FIRRM: variants seen among roughly 807,000 people sequenced by gnomAD.
FIRRM encodes FIGNL1-interacting regulator of recombination and mitosis.
At chr1:169,819,890 C>G in the FIRRM span, among the ~76,000 whole-genome samples, 1 of 152,176 alleles carries the variant, frequency 6.6e-6, no homozygotes, top group African/African-American at 2.4e-5. Flanking sequence ...TGAACCCGGG[C>G]CGCCAGCCAT....
the FIRRM span, chr1:169,805,975 C>G: frequency 3.5e-6 from 5 of 1,414,950 alleles, no homozygotes; most frequent in South Asian, 6.1e-5. Context: ...ATTTGGATGT[C>G]TTAAAAGTTC....
the FIRRM span, among the ~76,000 whole-genome samples, chr1:169,822,782 G>T: frequency 1.3e-5 from 2 of 152,222 alleles, no homozygotes; most frequent in East Asian, 3.9e-4. Context: ...TTACAGGTGT[G>T]AGCCACTGTG....
chr1:169,812,848 C>A, the FIRRM span, among the ~76,000 whole-genome samples: 3 of 149,796 alleles, frequency 2.0e-5, no homozygotes, highest in Non-Finnish European at 3.0e-5. Flanking sequence ...CAGAGTGAGA[C>A]TCCATCTCAA....
chr1:169,842,468 T>G, the FIRRM span: 1 of 1,614,022 alleles, frequency 6.2e-7, no homozygotes, highest in South Asian at 1.1e-5. Flanking sequence ...TGGTGAAGCT[T>G]TGGATACAGG....
chr1:169,800,792 G>C, the FIRRM span: 1 of 466,360 alleles, frequency 2.1e-6, no homozygotes, highest in South Asian at 2.5e-5. Context: ...TCAAGCTTTA[G>C]ATTGGTAGTA....
chr1:169,849,091 A>G, the FIRRM span, among the ~76,000 whole-genome samples: 1 of 152,198 alleles, frequency 6.6e-6, no homozygotes. Flanking sequence ...TGCTATGGAG[A>G]AAAATAAAGC....
chr1:169,794,999 A>T, the FIRRM span: 9,662 of 866,470 alleles, frequency 0.011, 599 homozygotes, highest in African/African-American at 0.14. Flanking sequence ...CCTCCTCTCT[A>T]TGGTTTTGGA....
the FIRRM span, chr1:169,827,641 CA>C: frequency 3.3e-4 from 514 of 1,544,688 alleles, 1 homozygote; most frequent in South Asian, 5.5e-4. Context: ...CTGACTCAAA[CA>C]AAAAAAAATT....
the FIRRM span, chr1:169,850,432 TCTTAG>T: frequency 2.3e-6 from 2 of 874,480 alleles, no homozygotes; most frequent in South Asian, 3.2e-5. Flanking sequence ...CTGAGTGTCT[TCTTAG>T]CTTAAACTTT....
the FIRRM span, among the ~76,000 whole-genome samples, chr1:169,789,877 A>G: frequency 1.3e-5 from 2 of 152,368 alleles, no homozygotes; most frequent in South Asian, 4.1e-4. Context: ...TATTAAAAAT[A>G]ATAATTTCCA....
the FIRRM span, among the ~76,000 whole-genome samples, chr1:169,800,713 C>CT: frequency 5.9e-5 from 5 of 84,938 alleles, no homozygotes; most frequent in Non-Finnish European, 1.1e-4. Context: ...TTTCCTTTCT[C>CT]TCTTTTTTTT....
the FIRRM span, among the ~76,000 whole-genome samples, chr1:169,809,907 T>A: frequency 6.6e-6 from 1 of 152,244 alleles, no homozygotes; most frequent in African/African-American, 2.4e-5. Flanking sequence ...TTTAGGCTGC[T>A]ATAACAAAAT....
the FIRRM span, chr1:169,830,402 AATTTTAT>A: frequency 7.4e-7 from 1 of 1,355,876 alleles, no homozygotes; most frequent in African/African-American, 1.5e-5. Context: ...GACAGTAGAT[AATTTTAT>A]AATTGTAAGC....
chr1:169,853,344 T>C, the FIRRM span: 13 of 315,454 alleles, frequency 4.1e-5, no homozygotes, highest in South Asian at 2.5e-4. Context: ...CTTACTCTTA[T>C]GTTAAAGAAT....
the FIRRM span, chr1:169,804,214 A>G: frequency 6.4e-6 from 10 of 1,567,730 alleles, no homozygotes; most frequent in Admixed American, 7.9e-5. Flanking sequence ...GTAGATGACA[A>G]TGATGATATT....
chr1:169,790,320 C>G, the FIRRM span, among the ~76,000 whole-genome samples: 18 of 152,072 alleles, frequency 1.2e-4, no homozygotes, highest in African/African-American at 4.1e-4. Flanking sequence ...TCTAATAGCT[C>G]GGATTACTGG....
chr1:169,853,675 G>A, the FIRRM span: 1 of 1,601,894 alleles, frequency 6.2e-7, no homozygotes, highest in Non-Finnish European at 8.5e-7. Flanking sequence ...TTTAAAAAAA[G>A]GGAATCCTTT....
At chr1:169,792,392 G>A in the FIRRM span, 28 of 464,330 alleles carry the variant, frequency 6.0e-5, no homozygotes, top group East Asian at 9.3e-4. Context: ...TCAAATGCAC[G>A]AGGATACCTT....
the FIRRM span, among the ~76,000 whole-genome samples, chr1:169,823,159 G>A: frequency 6.6e-6 from 1 of 151,710 alleles, no homozygotes; most frequent in Non-Finnish European, 1.5e-5. Context: ...GCTGAGGCAC[G>A]AGAATTGCTT....
Sources: allele counts gnomAD v4.1 joint callset (sites outside exome capture counted in the v4.1 genomes callset), GRCh38; gene constraint gnomAD v4.1.1; transcripts MANE v1.5; gene names NCBI Gene and HGNC (gene_info 2026-07-23, HGNC 2026-07-21).